Variants in FAM20A observed in about 807,000 individuals in gnomAD.
FAM20A encodes FAM20A golgi associated secretory pathway pseudokinase.
FAM20A carries 42 observed loss-of-function variants against 52.0 expected under a neutral mutation model. The observed-to-expected ratio is 0.81, with a 90% CI of 0.63 to 1.04. The LOEUF (loss-of-function observed/expected upper bound fraction) is 1.04. FAM20A is among the 50% of genes least tolerant of loss of function. FAM20A has a pLI of 0.00. For synonymous variants in FAM20A, 304 were observed against 298.9 expected (o/e 1.02, Z -0.18); for missense variants, 742 against 712.7 (o/e 1.04, Z -0.47).
chr17:68,562,256 CTG>C (rs1422001477), intron 1 of FAM20A, among the ~76,000 whole-genome samples: 32 of 152,334 alleles, frequency 2.1e-4, no homozygotes, highest in African/African-American at 7.2e-4. Flanking sequence ...TTGTTTGTAA[CTG>C]TAAAAACTGG....
chr17:68,590,399 C>T (rs1031861036), intron 1 of FAM20A: 5 of 152,116 alleles, frequency 3.3e-5, no homozygotes, highest in Non-Finnish European at 5.9e-5. Context: ...TATCTTCGCT[C>T]CCAGTTGAGA....
chr17:68,575,000 A>AGAC (rs2087685968), intron 1 of FAM20A: 1 of 152,248 alleles, frequency 6.6e-6, no homozygotes, highest in South Asian at 2.1e-4. Flanking sequence ...CCACAGAGGC[A>AGAC]GAGACTGGCA....
chr17:68,567,887 C>T (rs1263271435), intron 1 of FAM20A, among the ~76,000 whole-genome samples: 3 of 151,934 alleles, frequency 2.0e-5, no homozygotes, highest in Non-Finnish European at 4.4e-5. Context: ...TGCACTCGCT[C>T]CCTCCTGCCA....
Position 68,567,635 on chromosome 17 carries a change from A to C in FAM20A, c.405-11892T>G, listed in dbSNP as rs546817278. Among the ~76,000 whole-genome samples, 230 of 152,108 alleles carry C rather than the reference A, an allele frequency of 1.5e-3. 8 individuals are homozygous for C. The highest frequency in any genetic ancestry group is 5.5e-3 in the African/African-American group (228 of 41,354). ...TGGTCTAATCCTTTGGGGAGCTGTT[A>C]GGCTTGGTATACCTGAAAGTTTGTC... On this transcript the variant is annotated intron_variant, in intron 1 of 10. Coordinates refer to ENST00000592554, the MANE Select transcript of FAM20A (RefSeq NM_017565.4).
intron 8 of FAM20A, among the ~76,000 whole-genome samples, chr17:68,540,200 C>T (rs895763622): frequency 2.0e-5 from 3 of 152,228 alleles, no homozygotes; most frequent in Admixed American, 2.0e-4. Context: ...AAGGCTTTCA[C>T]CCCTGCCCCT....
intron 1 of FAM20A, among the ~76,000 whole-genome samples, chr17:68,575,410 G>A (rs1392802676): frequency 9.3e-6 from 1 of 107,586 alleles, no homozygotes; most frequent in Non-Finnish European, 1.9e-5. Context: ...ATATATATAT[G>A]TCTTCACTTT....
rs746449968 is a variant in FAM20A, at chr17:68,539,369, G to T, written c.1329C>A (p.Ile443=). The T allele has an allele frequency of 6.2e-7, 1 of 1,614,212 alleles. No individual in the cohort carries two copies. The highest frequency in any genetic ancestry group is 8.5e-7 in the Non-Finnish European group (1 of 1,180,032). The change falls in exon 10 of 11, where the codon ATC becomes ATA. Residue 443 remains isoleucine (I), a synonymous_variant. Transcript: ENST00000592554. ...RGFGRHSHDE[I]SILSPLSQCC... ...ACTGGGAGAGAGGCGAGAGGATGGA[G>T]ATTTCATCATGGGAGTGTCGTCCGA...
Position 68,537,538 on chromosome 17 carries a change from A to T in FAM20A, c.1565T>A (p.Ile522Lys). The T allele has an allele frequency of 6.2e-7, 1 of 1,613,836 alleles. No homozygotes were observed. The highest frequency in any genetic ancestry group is 1.1e-5 in the South Asian group (1 of 91,002). The change falls in exon 11 of 11, where the codon ATA becomes AAA. Residue 522 changes from isoleucine to lysine, a missense_variant. By Grantham distance (102) the Ile-to-Lys change is moderately radical. Transcript: ENST00000592554. This position sits in a 1 kb window ranked among gnomAD's most constrained non-coding sequence, Gnocchi z 4.2. The stretch of plus-strand genomic sequence containing the variant: ...CAACTGTTCCACTGGGCCGTCGACT[A>T]TGACACTCTGCTGTCCATGGGCCAC... ...CIVAHGQQSV[I>K]VDGPVEQLAP...
chr17:68,559,703 A>C (rs912932960), intron 1 of FAM20A, among the ~76,000 whole-genome samples: 2 of 152,236 alleles, frequency 1.3e-5, no homozygotes, highest in African/African-American at 4.8e-5. Flanking sequence ...AGACTCTTCC[A>C]TCCTGTCCCT....
In FAM20A at chr17:68,583,390, GTT is replaced by G. The variant is rs567935936; in HGVS notation, c.404+16871_404+16872del. Among the ~76,000 whole-genome samples the G allele has an allele frequency of 3.0e-3, 459 of 152,230 alleles. 2 individuals carry two copies. The highest frequency in any genetic ancestry group is 7.3e-3 in the Admixed American group (111 of 15,292). ...TCTAGGAGAAAGCCCCTTCTTTGCT[GTT>G]TCTGTCTTCTGGTGGCTATTGGTGT... On this transcript the variant is annotated intron_variant, in intron 1 of 10. Coordinates refer to ENST00000592554, the MANE Select transcript of FAM20A (RefSeq NM_017565.4).
intron 9 of FAM20A, among the ~76,000 whole-genome samples, 200 bp from the exon 10 acceptor site, chr17:68,539,596 A>C (rs550247828): frequency 3.9e-5 from 6 of 152,356 alleles, no homozygotes; most frequent in African/African-American, 1.4e-4. Flanking sequence ...GCAATCCTTC[A>C]TTCATTCACT....
chr17:68,560,329 G>A (rs574865979), intron 1 of FAM20A, among the ~76,000 whole-genome samples: 14 of 140,828 alleles, frequency 9.9e-5, no homozygotes, highest in African/African-American at 3.6e-4. Flanking sequence ...TGGCGACAGA[G>A]CGAAACTCCA....
At chr17:68,576,145 G>C (rs977229154) in intron 1 of FAM20A, among the ~76,000 whole-genome samples, 3 of 152,086 alleles carry the variant, frequency 2.0e-5, no homozygotes, top group African/African-American at 7.2e-5. Context: ...GTCCTCTCTG[G>C]CTCTCTAGAC....
Position 68,600,224 on chromosome 17 carries a change from A to G in FAM20A, c.404+39T>C, listed in dbSNP as rs1432566986. On this transcript the variant is annotated intron_variant, in intron 1 of 10. Coordinates refer to ENST00000592554, the MANE Select transcript of FAM20A (RefSeq NM_017565.4). This position sits in a 1 kb window ranked among gnomAD's most constrained non-coding sequence, Gnocchi z 6.2. ...ACTGGGGCGCGGGGAGGCCCCGGCC[A>G]GAGCGCCCGCTCTCCCGCGTCCCGG... 2.6e-6 allele frequency: 4 copies of G among 1,545,756 alleles called. No homozygotes were observed. Among genetic ancestry groups the G allele is most frequent in the African/African-American group, 1.4e-5 (1 of 72,834 alleles).
intron 1 of FAM20A, among the ~76,000 whole-genome samples, chr17:68,561,458 GTATTTGGGTC>G (rs2087209272): frequency 6.6e-6 from 1 of 152,046 alleles, no homozygotes; most frequent in African/African-American, 2.4e-5. Flanking sequence ...ATTTCCATTT[GTATTTGGGTC>G]TATTTCTGGA....
intron 4 of FAM20A, among the ~76,000 whole-genome samples, chr17:68,549,502 A>G (rs1177710161): frequency 6.6e-6 from 1 of 152,096 alleles, no homozygotes; most frequent in Admixed American, 6.5e-5. Flanking sequence ...CTCAAAAAAA[A>G]AAAAAAAGTT....
rs566384985 is a variant in FAM20A, at chr17:68,554,007, C to CAT, written c.640+768_640+769dup. Among the ~76,000 whole-genome samples the CAT allele has an allele frequency of 3.7e-3, 311 of 84,444 alleles. 6 individuals are homozygous for CAT. Among genetic ancestry groups the CAT allele is most frequent in the African/African-American group, 0.018 (287 of 16,250 alleles). The allele number at this position is 84,444 out of a possible 152,430, so 55.4% of individuals were successfully genotyped here. A position where few individuals can be genotyped will look rare whatever the true frequency, so the allele number is the denominator to read the frequency against. On this transcript the variant is annotated intron_variant, in intron 3 of 10. Coordinates refer to ENST00000592554, the MANE Select transcript of FAM20A (RefSeq NM_017565.4). The stretch of plus-strand genomic sequence containing the variant: ...ATATATACATATACACACATATATG[C>CAT]ATATATACATATATACATATATACA...
intron 4 of FAM20A, chr17:68,551,331 G>A: frequency 2.5e-6 from 1 of 398,932 alleles, no homozygotes; most frequent in Non-Finnish European, 4.4e-6. Context: ...TGACTTCCTA[G>A]TAGCCTTTCT....
At chr17:68,564,749 C>T (rs749574767) in intron 1 of FAM20A, among the ~76,000 whole-genome samples, 7 of 152,150 alleles carry the variant, frequency 4.6e-5, no homozygotes, top group African/African-American at 1.4e-4. Flanking sequence ...AATGGAGCTT[C>T]GGTGGCCTAA....
Sources: gnomAD v4.1 joint callset for allele counts (sites outside exome capture counted in the v4.1 genomes callset) on GRCh38, gnomAD v4.1.1 for gene constraint, Gnocchi (gnomAD v3.1) non-coding constraint, MANE v1.5 for transcripts, NCBI Gene and HGNC (gene_info 2026-07-23, HGNC 2026-07-21) for gene names.